The following MLIP variants were observed in gnomAD, a reference collection of about 807,000 sequenced individuals.
MLIP encodes the protein muscular LMNA-interacting protein.
In MLIP, 79 loss-of-function variants were observed where a neutral mutation model predicts 84.8. The observed-to-expected ratio is 0.93, with a 90% CI of 0.78 to 1.12. MLIP has a LOEUF of 1.12. MLIP is among the 50% of genes most tolerant of loss of function. The pLI is 0.00. For missense variants in MLIP, 1,257 were observed against 1,160.6 expected (o/e 1.08, Z -1.21); for synonymous variants, 504 against 463.0 (o/e 1.09, Z -1.14).
chr6:54,121,488 A>T lies in MLIP; in HGVS notation c.138A>T (p.Thr46=). The change falls in exon 2 of 14, where the codon ACA becomes ACT. Residue 46 remains threonine, a synonymous_variant. Coordinates refer to ENST00000502396, the MANE Select transcript of MLIP (RefSeq NM_001281747.2). ...GGSEAKPLIF[T]FVPTVRRLPT... ...CTGAAGCCAAACCTCTGATCTTCAC[A>T]TTTGTCCCCACTGTCAGAAGACTAC... 6.2e-7 allele frequency: 1 copy of T among 1,614,088 alleles called. No individual in the cohort carries two copies. Among genetic ancestry groups the T allele is most frequent in the African/African-American group, 1.3e-5 (1 of 75,044 alleles).
chr6:54,264,497 T>C (rs1400884005), intron 13 of MLIP, among the ~76,000 whole-genome samples: 1 of 152,078 alleles, frequency 6.6e-6, no homozygotes, highest in Non-Finnish European at 1.5e-5. Flanking sequence ...AGCTTCAATT[T>C]TATTCTTTGT....
intron 1 of MLIP, among the ~76,000 whole-genome samples, chr6:54,040,845 A>G (rs1468378306): frequency 6.6e-6 from 1 of 152,140 alleles, no homozygotes; most frequent in East Asian, 1.9e-4. Context: ...GTTCTCACTC[A>G]TAAGTGGGAA....
intron 11 of MLIP, among the ~76,000 whole-genome samples, chr6:54,229,522 C>T (rs1021334358): frequency 6.6e-6 from 1 of 152,140 alleles, no homozygotes; most frequent in Non-Finnish European, 1.5e-5. Context: ...CTCCCTCTTC[C>T]CACAACCCTG....
intron 11 of MLIP, among the ~76,000 whole-genome samples, chr6:54,207,304 ATATC>A (rs1000336078): frequency 1.3e-5 from 2 of 151,900 alleles, no homozygotes; most frequent in African/African-American, 4.8e-5. Flanking sequence ...TTCTTAGTAT[ATATC>A]TTTTTTAAAA....
intron 8 of MLIP, among the ~76,000 whole-genome samples, chr6:54,166,496 A>G (rs1775207607): frequency 6.6e-6 from 1 of 151,392 alleles, no homozygotes; most frequent in Non-Finnish European, 1.5e-5. Context: ...AGAACTTGAG[A>G]TAGTTGCTCA....
At chr6:54,125,216 G>A (rs966109141) in intron 3 of MLIP, among the ~76,000 whole-genome samples, 4 of 152,098 alleles carry the variant, frequency 2.6e-5, no homozygotes, top group African/African-American at 9.7e-5. Flanking sequence ...GGTGAGCTGG[G>A]TCCATCAAGA....
intron 11 of MLIP, among the ~76,000 whole-genome samples, chr6:54,230,174 ACCCTTC>A (rs890192301): frequency 2.6e-5 from 4 of 151,854 alleles, no homozygotes; most frequent in African/African-American, 9.7e-5. Context: ...TTCCAGACCC[ACCCTTC>A]CCTGATTCCT....
intron 13 of MLIP, among the ~76,000 whole-genome samples, chr6:54,265,160 C>T (rs1783614420): frequency 6.6e-6 from 1 of 152,110 alleles, no homozygotes; most frequent in South Asian, 2.1e-4. Context: ...AAGTTCTGGT[C>T]AGTTCCTCCA....
upstream of MLIP, among the ~76,000 whole-genome samples, chr6:54,109,572 A>G (rs575047695): frequency 6.6e-6 from 1 of 151,924 alleles, no homozygotes; most frequent in Non-Finnish European, 1.5e-5. Context: ...TCTTTGCTTG[A>G]AATACTTGCT....
intron 11 of MLIP, among the ~76,000 whole-genome samples, chr6:54,213,783 CAAAAA>C (rs201063926): frequency 2.1e-4 from 14 of 67,772 alleles, no homozygotes; most frequent in Admixed American, 4.9e-4. Flanking sequence ...CAGAATTAAA[CAAAAA>C]AAAGTTTTTT....
At chr6:54,191,120 A>T (rs1777883254) in intron 10 of MLIP, among the ~76,000 whole-genome samples, 1 of 152,074 alleles carries the variant, frequency 6.6e-6, no homozygotes, top group South Asian at 2.1e-4. Flanking sequence ...ATCTTTGGCT[A>T]TTTATTGTCT....
chr6:54,195,048 T>C (rs764903273), intron 10 of MLIP, among the ~76,000 whole-genome samples: 1 of 152,122 alleles, frequency 6.6e-6, no homozygotes, highest in Admixed American at 6.6e-5. Flanking sequence ...ATATTGCTTT[T>C]GCCCACAATT....
intron 4 of MLIP, among the ~76,000 whole-genome samples, chr6:54,142,868 C>T (rs1772434169): frequency 6.6e-6 from 1 of 151,784 alleles, no homozygotes; most frequent in Non-Finnish European, 1.5e-5. Flanking sequence ...GAGTAACAAA[C>T]ATTCACCAAA....
chr6:54,258,150 A>C (rs934273977), intron 13 of MLIP, among the ~76,000 whole-genome samples: 1 of 152,070 alleles, frequency 6.6e-6, no homozygotes, highest in Non-Finnish European at 1.5e-5. Flanking sequence ...GTGAGCTCAC[A>C]CATTCATTTA....
chr6:54,140,291 G>A (rs1011824699), intron 4 of MLIP, among the ~76,000 whole-genome samples: 5 of 152,168 alleles, frequency 3.3e-5, no homozygotes, highest in African/African-American at 1.2e-4. Context: ...AGAGTTGGAA[G>A]AGGGTGAGCC....
chr6:54,137,020 T>C lies in MLIP; in HGVS notation c.951T>C (p.Asp317=), dbSNP rs1295232859. Residue 317 remains aspartate, a synonymous_variant, in exon 4 of 14, where the codon GAT becomes GAC. Transcript: ENST00000502396. ...ATTTACCCAGTTCAACTGCAGCAGATCCAAAGCCTGGACTGACCTCTGAAG... is the reference window on the plus strand; with the variant it reads ...ATTTACCCAGTTCAACTGCAGCAGACCCAAAGCCTGGACTGACCTCTGAAG... ...GSNLPSSTAA[D]PKPGLTSEVL... 1 of 1,536,068 alleles carries C rather than the reference T, an allele frequency of 6.5e-7. No individual in the cohort carries two copies. Among genetic ancestry groups the C allele is most frequent in the South Asian group, 1.2e-5 (1 of 84,054 alleles).
At chr6:54,080,283 G>T (rs1358611094) in intron 1 of MLIP, among the ~76,000 whole-genome samples, 1 of 151,990 alleles carries the variant, frequency 6.6e-6, no homozygotes, top group African/African-American at 2.4e-5. Flanking sequence ...CCTCTGCCAT[G>T]CTGGACTTTC....
At chr6:54,241,336 G>T (rs1429024726) in intron 12 of MLIP, among the ~76,000 whole-genome samples, 2 of 151,526 alleles carry the variant, frequency 1.3e-5, no homozygotes, top group Non-Finnish European at 2.9e-5. Flanking sequence ...AGTATATACT[G>T]TAACCTATCT....
chr6:54,181,445 A>T (rs193285005), intron 9 of MLIP, among the ~76,000 whole-genome samples: 333 of 152,220 alleles, frequency 2.2e-3, no homozygotes, highest in Non-Finnish European at 3.9e-3. Context: ...GCTGGTCCAG[A>T]AATGATGTCT....
Sources: gnomAD v4.1 joint callset for allele counts (sites outside exome capture counted in the v4.1 genomes callset) on GRCh38, gnomAD v4.1.1 for gene constraint, MANE v1.5 for transcripts, NCBI Gene and HGNC (gene_info 2026-07-23, HGNC 2026-07-21) for gene names.